The following PCMTD2 variants were observed in gnomAD, a reference collection of about 807,000 sequenced individuals.
PCMTD2 encodes protein-L-isoaspartate O-methyltransferase domain-containing protein 2.
PCMTD2 carries 16 observed loss-of-function variants against 33.4 expected under a neutral mutation model. The observed-to-expected ratio is 0.48, with a 90% CI of 0.32 to 0.73. PCMTD2 has a LOEUF of 0.73. PCMTD2 is among the 30% of genes least tolerant of loss of function. The pLI is 0.03. For missense variants in PCMTD2, 374 were observed against 449.9 expected (o/e 0.83, Z 1.53); for synonymous variants, 161 against 160.8 (o/e 1.00, Z -0.01).
intron 5 of PCMTD2, among the ~76,000 whole-genome samples, chr20:64,270,100 G>T (rs1985842128): frequency 1.4e-5 from 2 of 138,238 alleles, no homozygotes; most frequent in South Asian, 4.9e-4. Context: ...CTTGAGTTCA[G>T]GCGTGCACGG....
At chr20:64,268,446 G>C (rs781020657) in intron 5 of PCMTD2, among the ~76,000 whole-genome samples, 8 of 152,216 alleles carry the variant, frequency 5.3e-5, no homozygotes, top group Admixed American at 5.2e-4. Flanking sequence ...ACACATTCCA[G>C]CTAATCTGCT....
intron 1 of PCMTD2, among the ~76,000 whole-genome samples, chr20:64,258,124 A>G (rs1018728590): frequency 6.6e-6 from 1 of 152,234 alleles, no homozygotes; most frequent in Non-Finnish European, 1.5e-5. Flanking sequence ...CTTCTGGGTG[A>G]AGAGGTGGCT....
At chr20:64,270,429 G>A (rs1345616218) in intron 5 of PCMTD2, among the ~76,000 whole-genome samples, 2 of 149,506 alleles carry the variant, frequency 1.3e-5, no homozygotes, top group African/African-American at 4.9e-5. Flanking sequence ...GTGGGCACAC[G>A]TGATGTGTCA....
intron 1 of PCMTD2, 77 bp downstream of exon 1, chr20:64,255,947 C>T: frequency 6.6e-6 from 1 of 152,262 alleles, no homozygotes; most frequent in South Asian, 2.0e-4. Flanking sequence ...GGCCCCTTCC[C>T]TCCTCCTTCC....
chr20:64,267,452 C>T (rs1985708225), intron 4 of PCMTD2, among the ~76,000 whole-genome samples: 1 of 152,026 alleles, frequency 6.6e-6, no homozygotes, highest in South Asian at 2.1e-4. Context: ...ACTTAGCCAC[C>T]CTCCCAATAA....
At position 64,260,038 on chromosome 20, in the gene PCMTD2, CG is replaced by C; in HGVS notation, c.75del (p.Thr26LeufsTer4). 1 of 1,609,474 alleles carries C rather than the reference CG, an allele frequency of 6.2e-7. No individual in the cohort carries two copies. The highest frequency in any genetic ancestry group is 8.5e-7 in the Non-Finnish European group (1 of 1,175,804). On this transcript the variant is annotated frameshift_variant, in exon 2 of 6. Transcript: ENST00000308824. LOFTEE classifies it high-confidence loss of function. ...IDNLKEAQYIRTELVEQAFRA... is the reference protein window; with the variant it reads ...IDNLKEAQYIXTELVEQAFRA... ...TAATTTGAAAGAAGCACAGTATATC[CG>C]GACTGAGCTGGTAGAGCAGGCTTTC...
intron 5 of PCMTD2, among the ~76,000 whole-genome samples, chr20:64,272,695 C>G (rs1246818094): frequency 6.6e-6 from 1 of 152,230 alleles, no homozygotes; most frequent in African/African-American, 2.4e-5. Flanking sequence ...TGGCGCATGC[C>G]TGTAATCCCA....
intron 5 of PCMTD2, among the ~76,000 whole-genome samples, chr20:64,269,964 ACGGTGTGGGG>A (rs1985829464): frequency 3.7e-5 from 4 of 107,752 alleles, no homozygotes; most frequent in South Asian, 3.4e-4. Flanking sequence ...GAGGGCGTGC[ACGGTGTGGGG>A]TCCTGTGAGT....
In PCMTD2 at chr20:64,256,123, A is replaced by T. The variant is rs1292000155; in HGVS notation, c.-25+253A>T. Among the ~76,000 whole-genome samples, 7 of 150,974 alleles carry T rather than the reference A, an allele frequency of 4.6e-5. No homozygotes were observed. In the East Asian group the frequency reaches 5.9e-4, roughly 13 times the overall value. ...CTCCCGGTGCCCGTTGCTCACTCAC[A>T]CTCTTGGGTCTGGTTAGTCCAGACC... On this transcript the variant is annotated intron_variant, in intron 1 of 5. Coordinates refer to ENST00000308824, the MANE Select transcript of PCMTD2 (RefSeq NM_018257.3).
In PCMTD2 at chr20:64,265,710, T is replaced by G. The variant is rs115276705; in HGVS notation, c.582+281T>G. On this transcript the variant is annotated intron_variant, in intron 4 of 5. Transcript: ENST00000308824. ...TTCTGTCCCTTCCCCCTCACCTCCC[T>G]CTTCCTTCCCCTTCTCCTTCCCCCC... 493 of 329,596 alleles carry G rather than the reference T, an allele frequency of 1.5e-3. 2 individuals carry two copies. Among genetic ancestry groups the G allele is most frequent in the African/African-American group, 9.9e-3 (468 of 47,212 alleles). 20.4% of individuals were successfully genotyped at this position (329,596 alleles called of 1,614,324 possible).
intron 4 of PCMTD2, among the ~76,000 whole-genome samples, chr20:64,266,076 A>G (rs1985645010): frequency 6.6e-6 from 1 of 152,198 alleles, no homozygotes; most frequent in Admixed American, 6.5e-5. Context: ...AATTGTTTTA[A>G]TAAAAATTTG....
At chr20:64,272,003 ACG>A (rs1985930889) in intron 5 of PCMTD2, 1 of 341,722 alleles carries the variant, frequency 2.9e-6, no homozygotes, top group African/African-American at 2.1e-5. Flanking sequence ...GGCAAGAGGC[ACG>A]ATCGTGGTGT....
intron 3 of PCMTD2, 76 bp downstream of exon 3, chr20:64,264,607 ATC>A (rs1985574118): frequency 1.3e-6 from 1 of 760,554 alleles, no homozygotes; most frequent in Non-Finnish European, 2.3e-6. Flanking sequence ...ATAGAAAGAA[ATC>A]ATGTGGTAGG....
chr20:64,259,544 A>G (rs1985313283), intron 1 of PCMTD2, among the ~76,000 whole-genome samples: 1 of 152,012 alleles, frequency 6.6e-6, no homozygotes, highest in African/African-American at 2.4e-5. Context: ...ATCCACCAGC[A>G]TGCCTGGCTA....
chr20:64,260,294 G>C (rs1469737350), intron 2 of PCMTD2, 22 bp downstream of exon 2: 1 of 1,540,538 alleles, frequency 6.5e-7, no homozygotes, highest in South Asian at 1.1e-5. Context: ...AGGAGAGTCT[G>C]AAAACTCATC....
At position 64,273,249 on chromosome 20, in the gene PCMTD2, C is replaced by G. The variant is rs1568738559; in HGVS notation, c.735C>G (p.Asp245Glu). 6.2e-7 allele frequency: 1 copy of G among 1,614,006 alleles called. No individual in the cohort carries two copies. The highest frequency in any genetic ancestry group is 8.5e-7 in the Non-Finnish European group (1 of 1,179,912). Residue 245 changes from aspartate to glutamate, a missense_variant, in exon 6 of 6, where the codon GAC (aspartate) becomes GAG (glutamate). By Grantham distance (45) the Asp-to-Glu change is conservative. Transcript: ENST00000308824. Reference protein sequence around the residue: ...LPPVAVRSLQDLARIAIRGTI... With the variant: ...LPPVAVRSLQELARIAIRGTI... ...CAGTGGCAGTTCGCAGCCTCCAGGA[C>G]TTGGCTCGCATCGCCATCCGGGGCA...
In PCMTD2 at chr20:64,273,143, T is replaced by G; in HGVS notation, c.707-78T>G. The G allele has an allele frequency of 2.5e-6, 3 of 1,204,650 alleles. No homozygotes were observed. In the South Asian group the frequency reaches 4.4e-5, roughly 18 times the overall value. 74.6% of individuals were successfully genotyped at this position (1,204,650 alleles called of 1,614,324 possible). The stretch of plus-strand genomic sequence containing the variant: ...ATTTGCCAGTTAATTGAAATGATGC[T>G]ACGGGTCTTAGGTGTGTAGGCGTTG... On this transcript the variant is annotated intron_variant, in intron 5 of 5. Transcript: ENST00000308824.
chr20:64,270,178 G>A (rs1985847310), intron 5 of PCMTD2, among the ~76,000 whole-genome samples: 1 of 145,134 alleles, frequency 6.9e-6, no homozygotes. Flanking sequence ...GGTCGTGTGG[G>A]TGTGCACGGT....
Position 64,274,656 on chromosome 20 carries a change from T to A in PCMTD2, c.*1056T>A, listed in dbSNP as rs994401010. The A allele has an allele frequency of 4.6e-5, 7 of 152,196 alleles. No individual in the cohort carries two copies. Among genetic ancestry groups the A allele is most frequent in the African/African-American group, 1.7e-4 (7 of 41,440 alleles). 9.4% of individuals were successfully genotyped at this position (152,196 alleles called of 1,614,324 possible). ...AATTCTGGAGAAAAAGATTTGTTAGTTTTGTAATTTTTTTGTAAGACCAAA... is the reference window on the plus strand; with the variant it reads ...AATTCTGGAGAAAAAGATTTGTTAGATTTGTAATTTTTTTGTAAGACCAAA... On this transcript the variant is annotated 3_prime_UTR_variant, in exon 6 of 6. Transcript: ENST00000308824.
Sources: allele counts gnomAD v4.1 joint callset (sites outside exome capture counted in the v4.1 genomes callset), GRCh38; gene constraint gnomAD v4.1.1; transcripts MANE v1.5; gene names NCBI Gene and HGNC (gene_info 2026-07-23, HGNC 2026-07-21).